Variants in SUGCT observed in about 807,000 individuals in gnomAD.
SUGCT encodes the protein succinyl-CoA:glutarate-CoA transferase, also known as succinyl-CoA:glutarate CoA-transferase.
A neutral mutation model predicts 55.0 loss-of-function variants in SUGCT; 41 were observed. The ratio of observed to expected loss-of-function variants is 0.74; its 90% CI spans 0.58 to 0.97. The LOEUF (loss-of-function observed/expected upper bound fraction) is 0.97, where lower values mean the gene tolerates loss of function less well. Among genes scored for constraint, SUGCT ranks in the 50% least tolerant of loss-of-function variants. The probability of loss-of-function intolerance (pLI) is 0.00; values close to 1 mark genes in which losing one functional copy is unlikely to be tolerated. For missense variants in SUGCT, 568 were observed against 547.8 expected (o/e 1.04, Z -0.37); for synonymous variants, 187 against 200.4 (o/e 0.93, Z 0.56).
At chr7:40,757,427 G>C (rs1788311366) in intron 13 of SUGCT, among the ~76,000 whole-genome samples, 1 of 152,204 alleles carries the variant, frequency 6.6e-6, no homozygotes, top group Non-Finnish European at 1.5e-5. Context: ...CAAGAGCTCA[G>C]TTGTTCTTTT....
chr7:40,695,240 C>T (rs1784874532), intron 12 of SUGCT, among the ~76,000 whole-genome samples: 1 of 150,184 alleles, frequency 6.7e-6, no homozygotes, highest in African/African-American at 2.5e-5. Flanking sequence ...CTCTGCTGCT[C>T]ATGCTGGAGT....
chr7:40,768,546 TC>T (rs1788923710), intron 13 of SUGCT, among the ~76,000 whole-genome samples: 1 of 145,858 alleles, frequency 6.9e-6, no homozygotes, highest in Non-Finnish European at 1.5e-5. Context: ...CGAGACCCAC[TC>T]TATCTTTCTA....
At chr7:40,919,210 C>A in the SUGCT span, among the ~76,000 whole-genome samples, 2 of 152,208 alleles carry the variant, frequency 1.3e-5, no homozygotes, top group Non-Finnish European at 2.9e-5. Context: ...GGCTTCCACT[C>A]ATTTGCTCAG....
chr7:40,924,653 C>G, the SUGCT span, among the ~76,000 whole-genome samples: 1 of 152,188 alleles, frequency 6.6e-6, no homozygotes, highest in South Asian at 2.1e-4. Context: ...TCAGCTCTCT[C>G]CTTCAACTAG....
the SUGCT span, among the ~76,000 whole-genome samples, chr7:40,958,329 G>A: frequency 6.6e-6 from 1 of 151,998 alleles, no homozygotes; most frequent in South Asian, 2.1e-4. Flanking sequence ...TCCTCACATA[G>A]TCCCGTATTT....
At chr7:40,231,144 T>A (rs1788699628) in intron 6 of SUGCT, among the ~76,000 whole-genome samples, 1 of 152,032 alleles carries the variant, frequency 6.6e-6, no homozygotes, top group Non-Finnish European at 1.5e-5. Flanking sequence ...CCTCAGAAAC[T>A]CAGTTGCCAG....
At chr7:40,905,854 G>A in the SUGCT span, among the ~76,000 whole-genome samples, 8 of 151,902 alleles carry the variant, frequency 5.3e-5, no homozygotes, top group South Asian at 1.5e-3. Flanking sequence ...AAGTAGTTGG[G>A]ACCCCAGGCA....
chr7:40,877,597 G>GTTTT, the SUGCT span, among the ~76,000 whole-genome samples: 2 of 152,128 alleles, frequency 1.3e-5, no homozygotes, highest in African/African-American at 2.4e-5. Context: ...CAAAATGATG[G>GTTTT]GAACTTCTCT....
At chr7:40,633,174 T>C (rs1402651400) in intron 12 of SUGCT, among the ~76,000 whole-genome samples, 3 of 152,244 alleles carry the variant, frequency 2.0e-5, no homozygotes, top group Non-Finnish European at 4.4e-5. Context: ...TATATCTTAC[T>C]CATTCTTTTT....
chr7:40,367,579 T>C (rs1163386761), intron 9 of SUGCT, among the ~76,000 whole-genome samples: 1 of 152,136 alleles, frequency 6.6e-6, no homozygotes, highest in Non-Finnish European at 1.5e-5. Context: ...GTTATTTTAC[T>C]TCCGTAAAAG....
intron 12 of SUGCT, among the ~76,000 whole-genome samples, chr7:40,653,102 G>C (rs761445621): frequency 6.6e-6 from 1 of 152,136 alleles, no homozygotes; most frequent in African/African-American, 2.4e-5. Flanking sequence ...TTGTATCTCT[G>C]TTGGGCACCA....
intron 12 of SUGCT, among the ~76,000 whole-genome samples, chr7:40,679,985 G>C (rs1784166878): frequency 6.6e-6 from 1 of 152,058 alleles, no homozygotes; most frequent in Admixed American, 6.6e-5. Flanking sequence ...CTAATGCATG[G>C]CCCTCCATCC....
intron 13 of SUGCT, among the ~76,000 whole-genome samples, chr7:40,799,699 G>A (rs956915301): frequency 1.3e-5 from 2 of 152,140 alleles, no homozygotes; most frequent in African/African-American, 2.4e-5. Flanking sequence ...GCATCCTGTC[G>A]TTTATTAAAT....
intron 6 of SUGCT, among the ~76,000 whole-genome samples, chr7:40,235,074 AT>A: frequency 6.6e-6 from 1 of 152,138 alleles, no homozygotes; most frequent in East Asian, 1.9e-4. Context: ...TTTATTTGAA[AT>A]TTTCCAAGAT....
rs945808717 is a variant in SUGCT at position 40,799,203 on chromosome 7, A to T, written c.1153+49706A>T. Reference sequence around the variant, plus strand: ...TGATGCCTCCTTTTTGTGCACCAAGAGGCTCTTCAGTTCCCTAGAATTGGT... The same window carrying T: ...TGATGCCTCCTTTTTGTGCACCAAGTGGCTCTTCAGTTCCCTAGAATTGGT... On this transcript the variant is annotated intron_variant, in intron 13 of 13. Coordinates refer to ENST00000335693, the MANE Select transcript of SUGCT (RefSeq NM_001193313.2). Among the ~76,000 whole-genome samples the T allele has an allele frequency of 3.3e-5, 5 of 152,166 alleles. 1 individual carries two copies. The highest frequency in any genetic ancestry group is 3.3e-4 in the Admixed American group (5 of 15,274).
intron 9 of SUGCT, among the ~76,000 whole-genome samples, chr7:40,333,731 T>C (rs1374961786): frequency 3.3e-5 from 4 of 122,796 alleles, no homozygotes; most frequent in Non-Finnish European, 4.9e-5. Flanking sequence ...CACATATATA[T>C]AATTTAGTGA....
intron 9 of SUGCT, among the ~76,000 whole-genome samples, chr7:40,422,416 T>G (rs1208600476): frequency 6.6e-6 from 1 of 152,216 alleles, no homozygotes; most frequent in Non-Finnish European, 1.5e-5. Context: ...GTATAAAAAT[T>G]TTCTTGGTCG....
At chr7:40,772,052 G>A (rs766155584) in intron 13 of SUGCT, among the ~76,000 whole-genome samples, 3 of 152,104 alleles carry the variant, frequency 2.0e-5, no homozygotes, top group Non-Finnish European at 4.4e-5. Context: ...TGTTGTCCAA[G>A]CATAATTATT....
At chr7:40,358,716 A>AG (rs1562711067) in intron 9 of SUGCT, among the ~76,000 whole-genome samples, 2 of 131,886 alleles carry the variant, frequency 1.5e-5, no homozygotes, top group African/African-American at 2.8e-5. Context: ...CTCCATCTCA[A>AG]AAACAACAAC....
Sources: gnomAD v4.1 joint callset for allele counts (sites outside exome capture counted in the v4.1 genomes callset) on GRCh38, gnomAD v4.1.1 for gene constraint, MANE v1.5 for transcripts, NCBI Gene and HGNC (gene_info 2026-07-23, HGNC 2026-07-21) for gene names.